Variants in PTPRC observed in about 807,000 individuals in gnomAD.
PTPRC encodes receptor-type tyrosine-protein phosphatase C.
Under a neutral mutation model 155.9 loss-of-function variants are expected in PTPRC, and 44 were observed. The observed-to-expected ratio is 0.28, with a 90% CI of 0.22 to 0.36. The LOEUF is 0.36. Ranked by LOEUF, PTPRC falls within the 10% of genes least tolerant of loss-of-function variation. The pLI is 1.00. For missense variants in PTPRC, 1,401 were observed against 1,564.6 expected, an observed-to-expected ratio of 0.90 and a Z score of 1.76; for synonymous variants, 525 against 533.1, an observed-to-expected ratio of 0.98 and a Z score of 0.21.
intron 2 of PTPRC, among the ~76,000 whole-genome samples, chr1:198,639,988 A>G (rs557083963): frequency 7.2e-5 from 11 of 152,002 alleles, no homozygotes; most frequent in Non-Finnish European, 1.6e-4. Flanking sequence ...ATTCTTGTGG[A>G]GCCACCGCCC....
chr1:198,680,238 A>C (rs1358154134), intron 2 of PTPRC, among the ~76,000 whole-genome samples: 3 of 152,232 alleles, frequency 2.0e-5, no homozygotes. Context: ...CGGATTACCT[A>C]AGGACGGAGT....
In PTPRC at chr1:198,755,917, A is replaced by G; in HGVS notation, c.3657A>G (p.Gln1219=). Residue 1219 remains glutamine (Q), a synonymous_variant, in exon 33 of 33, where the codon CAA becomes CAG. Transcript: ENST00000442510. ...PGMVSTFEQY[Q]FLYDVIASTY... ...AATTCCTTTACTAGGAGCAATATCAATTCCTATATGACGTCATTGCCAGCA... is the reference window on the plus strand; with the variant it reads ...AATTCCTTTACTAGGAGCAATATCAGTTCCTATATGACGTCATTGCCAGCA... The G allele has an allele frequency of 6.2e-7, 1 of 1,610,788 alleles. No homozygotes were observed. The highest frequency in any genetic ancestry group is 2.2e-5 in the East Asian group (1 of 44,780).
chr1:198,731,568 C>T, intron 17 of PTPRC, 49 bp from the exon 18 acceptor site: 1 of 1,370,450 alleles, frequency 7.3e-7, no homozygotes, highest in South Asian at 1.2e-5. Flanking sequence ...TGTGTATGCC[C>T]ACCTGAAAGA....
chr1:198,754,598 GTC>G, intron 32 of PTPRC, 194 bp downstream of exon 32: 4 of 685,330 alleles, frequency 5.8e-6, no homozygotes, highest in Non-Finnish European at 9.4e-6. Flanking sequence ...ATTATTATAA[GTC>G]TAAATAAGAG....
intron 13 of PTPRC, 53 bp downstream of exon 13, chr1:198,716,893 G>A: frequency 6.5e-7 from 1 of 1,526,790 alleles, no homozygotes; most frequent in Admixed American, 1.7e-5. Context: ...AGCAAGGTAT[G>A]AACTTTTTAG....
chr1:198,669,253 G>C (rs550714701), intron 2 of PTPRC, among the ~76,000 whole-genome samples: 1 of 152,268 alleles, frequency 6.6e-6, no homozygotes, highest in South Asian at 2.1e-4. Flanking sequence ...CTAATGCTTA[G>C]TGTTGTTTAC....
At chr1:198,650,427 C>T (rs1477673715) in intron 2 of PTPRC, among the ~76,000 whole-genome samples, 3 of 151,652 alleles carry the variant, frequency 2.0e-5, no homozygotes, top group Non-Finnish European at 4.4e-5. Context: ...GTTGGCAGTG[C>T]AGGTGGAAAG....
intron 29 of PTPRC, among the ~76,000 whole-genome samples, chr1:198,751,166 G>A (rs1655362347): frequency 6.6e-6 from 1 of 151,914 alleles, no homozygotes; most frequent in South Asian, 2.1e-4. Context: ...CTTTTAACAA[G>A]ACCAAACTCC....
chr1:198,649,717 TCA>T lies in PTPRC; in HGVS notation c.73+10377_73+10378del, dbSNP rs1663139229. Among the ~76,000 whole-genome samples, 5 of 151,976 alleles carry T rather than the reference TCA, an allele frequency of 3.3e-5. No individual in the cohort carries two copies. The South Asian group carries it at 1.0e-3, about 31-fold the overall frequency. ...TAAATGAGATGATTCACTCATCGAT[TCA>T]TCAATTGTTTATAGAGCCCCTGCTA... On this transcript the variant is annotated intron_variant, in intron 2 of 32. Coordinates refer to ENST00000442510, the MANE Select transcript of PTPRC (RefSeq NM_002838.5).
At chr1:198,750,089 T>C (rs35549117) in intron 28 of PTPRC, among the ~76,000 whole-genome samples, 1,977 of 152,024 alleles carry the variant, frequency 0.013, 14 homozygotes, top group Non-Finnish European at 0.02. Context: ...CACACATTCA[T>C]AGAATATTAG....
chr1:198,714,911 G>T (rs1653497941), intron 12 of PTPRC, among the ~76,000 whole-genome samples: 1 of 151,332 alleles, frequency 6.6e-6, no homozygotes. Flanking sequence ...ATTAAAAGAG[G>T]AGAAAAAATG....
chr1:198,690,548 C>A (rs1665870599), intron 2 of PTPRC, among the ~76,000 whole-genome samples: 1 of 151,914 alleles, frequency 6.6e-6, no homozygotes, highest in Non-Finnish European at 1.5e-5. Flanking sequence ...ATGTATCACC[C>A]ATCAATGATA....
At chr1:198,691,937 TG>T (rs895507510) in intron 2 of PTPRC, among the ~76,000 whole-genome samples, 5 of 152,118 alleles carry the variant, frequency 3.3e-5, no homozygotes, top group Non-Finnish European at 7.4e-5. Flanking sequence ...TTTTATATGT[TG>T]GTCATATTAT....
intron 2 of PTPRC, chr1:198,667,095 C>T (rs773475460): frequency 6.6e-6 from 1 of 152,194 alleles, no homozygotes; most frequent in Non-Finnish European, 1.5e-5. Flanking sequence ...GCGTCCACAC[C>T]TTTCATCACA....
In PTPRC at chr1:198,743,067, C is replaced by CAAA. The variant is rs10628640; in HGVS notation, c.2697+719_2697+721dup. On this transcript the variant is annotated intron_variant, in intron 25 of 32. Coordinates refer to ENST00000442510, the MANE Select transcript of PTPRC (RefSeq NM_002838.5). ...ATTGCATTCAGCATTGTCAAAATAG[C>CAAA]AAAAAAAAAAAAAAAAAAAAAGTGA... is the stretch of plus-strand genomic sequence containing the variant. Among the ~76,000 whole-genome samples, 274 of 75,856 alleles carry CAAA rather than the reference C, an allele frequency of 3.6e-3. 5 individuals carry two copies. Among genetic ancestry groups the CAAA allele is most frequent in the Non-Finnish European group, 4.1e-3 (162 of 39,888 alleles). The allele number at this position is 75,856 out of a possible 152,430, so 49.8% of individuals were successfully genotyped here. A position where few individuals can be genotyped will look rare whatever the true frequency, so the allele number is the denominator to read the frequency against.
chr1:198,688,890 C>G (rs1434584649), intron 2 of PTPRC, among the ~76,000 whole-genome samples: 1 of 152,144 alleles, frequency 6.6e-6, no homozygotes, highest in African/African-American at 2.4e-5. Context: ...AGGTTCAAGT[C>G]TGGCTCACAT....
chr1:198,745,968 G>T (rs561210965), intron 26 of PTPRC, among the ~76,000 whole-genome samples: 1 of 151,896 alleles, frequency 6.6e-6, no homozygotes, highest in Non-Finnish European at 1.5e-5. Context: ...TTGAACTTAT[G>T]ATTTTAGAGG....
At chr1:198,675,753 T>C (rs993614947) in intron 2 of PTPRC, among the ~76,000 whole-genome samples, 1 of 151,978 alleles carries the variant, frequency 6.6e-6, no homozygotes, top group African/African-American at 2.4e-5. Context: ...CCTGGAAGAG[T>C]TTCTCATTAT....
chr1:198,744,800 T>C (rs915759466), intron 26 of PTPRC, among the ~76,000 whole-genome samples: 21 of 151,842 alleles, frequency 1.4e-4, no homozygotes, highest in African/African-American at 4.8e-4. Flanking sequence ...GATTTCCAGG[T>C]TACTGAGTCA....
Sources: gnomAD v4.1 joint callset for allele counts (sites outside exome capture counted in the v4.1 genomes callset) on GRCh38, gnomAD v4.1.1 for gene constraint, MANE v1.5 for transcripts, NCBI Gene and HGNC (gene_info 2026-07-23, HGNC 2026-07-21) for gene names.